Variants in BRWD1 observed in about 807,000 individuals in gnomAD.
The protein encoded by BRWD1 is bromodomain and WD repeat-containing protein 1.
In BRWD1, 82 loss-of-function variants were observed where a neutral mutation model predicts 251.2. The ratio of observed to expected loss-of-function variants is 0.33; its 90% CI spans 0.27 to 0.39. The LOEUF (loss-of-function observed/expected upper bound fraction) is 0.39, where lower values mean the gene tolerates loss of function less well. Among genes scored for constraint, BRWD1 ranks in the 10% least tolerant of loss-of-function variants. The probability of loss-of-function intolerance (pLI) is 1.00; values close to 1 mark genes in which losing one functional copy is unlikely to be tolerated. For missense variants in BRWD1, 2,233 were observed against 2,711.6 expected (o/e 0.82, Z 3.92); for synonymous variants, 918 against 902.8 (o/e 1.02, Z -0.30).
upstream of BRWD1, chr21:39,314,462 C>G: frequency 2.6e-6 from 1 of 386,046 alleles, no homozygotes; most frequent in Non-Finnish European, 5.2e-6. Context: ...GCAGACGGGC[C>G]GCAGACCCTC....
At chr21:39,312,499 A>C (rs910004568) in intron 4 of BRWD1, 7 of 213,082 alleles carry the variant, frequency 3.3e-5, no homozygotes, top group Non-Finnish European at 6.7e-5. Context: ...AGCGCGGTGG[A>C]GCGGGGAAGC....
At position 39,313,495 on chromosome 21, in the gene BRWD1, CGGGCGCG is replaced by C. The variant is rs917940554; in HGVS notation, c.-11_-5del. ...GGGCGGACGACGGCTCCGCCATGGC[CGGGCGCG>C]GGGCGGGAGGCGGGAGCGAGCGAGC... On this transcript the variant is annotated 5_prime_UTR_variant, in exon 1 of 41. Transcript: ENST00000342449. The C allele has an allele frequency of 4.7e-5, 53 of 1,122,406 alleles. No homozygotes were observed. The South Asian group carries it at 5.4e-4, about 11-fold the overall frequency. 69.5% of individuals were successfully genotyped at this position (1,122,406 alleles called of 1,614,324 possible).
At chr21:39,251,599 C>A (rs1339138494) in intron 19 of BRWD1, among the ~76,000 whole-genome samples, 1 of 152,060 alleles carries the variant, frequency 6.6e-6, no homozygotes, top group Non-Finnish European at 1.5e-5. Context: ...AGGATAAAAA[C>A]TGATTTTTAA....
At chr21:39,243,610 ATT>A (rs1019548671) in intron 21 of BRWD1, among the ~76,000 whole-genome samples, 1 of 150,064 alleles carries the variant, frequency 6.7e-6, no homozygotes, top group South Asian at 2.1e-4. Flanking sequence ...CACCCAGCTA[ATT>A]TTTTTTTTCT....
chr21:39,196,282 C>CT lies in BRWD1; in HGVS notation c.6786dup (p.Asp2263ArgfsTer17), dbSNP rs1306327472. The CT allele has an allele frequency of 6.2e-7, 1 of 1,604,706 alleles. No homozygotes were observed. Among genetic ancestry groups the CT allele is most frequent in the African/African-American group, 1.3e-5 (1 of 74,710 alleles). On this transcript the variant is annotated frameshift_variant, in exon 41 of 41. Coordinates refer to ENST00000342449, the MANE Select transcript of BRWD1 (RefSeq NM_033656.4). LOFTEE classifies it high-confidence loss of function. ...GGTCATAAGGTGCAACCATTGAAAT[C>CT]TAACACATTTTCTAAACTTCTGTCA...
At chr21:39,260,583 T>C (rs1171929065) in intron 17 of BRWD1, among the ~76,000 whole-genome samples, 1 of 152,216 alleles carries the variant, frequency 6.6e-6, no homozygotes, top group Non-Finnish European at 1.5e-5. Context: ...GCAGGAAGTG[T>C]CCTTCTGCCA....
At chr21:39,258,455 A>G (rs759063524) in intron 18 of BRWD1, 32 bp downstream of exon 18, 1 of 1,496,954 alleles carries the variant, frequency 6.7e-7, no homozygotes, top group Non-Finnish European at 9.0e-7. Flanking sequence ...ATGCAGCCAT[A>G]TTCAGGTAAA....
chr21:39,304,784 T>G (rs2036232693), intron 4 of BRWD1, among the ~76,000 whole-genome samples: 1 of 152,134 alleles, frequency 6.6e-6, no homozygotes, highest in Non-Finnish European at 1.5e-5. Context: ...TTGGTGTGGC[T>G]ATATTAATGT....
intron 29 of BRWD1, among the ~76,000 whole-genome samples, chr21:39,221,270 G>A (rs1322034941): frequency 6.6e-6 from 1 of 151,844 alleles, no homozygotes; most frequent in Non-Finnish European, 1.5e-5. Flanking sequence ...TCTATTTAGT[G>A]CCTAACTTGA....
intron 27 of BRWD1, among the ~76,000 whole-genome samples, chr21:39,227,360 A>G (rs1049858787): frequency 3.2e-5 from 1 of 31,280 alleles, no homozygotes; most frequent in Non-Finnish European, 5.9e-5. Context: ...CACTGAACAT[A>G]TATTTGTACA....
rs554916227 is a variant in BRWD1 at position 39,319,392 on chromosome 21, C to T, written n.534+1634G>A. 3.3e-5 allele frequency among the ~76,000 whole-genome samples: 5 copies of T among 152,314 alleles called. 1 individual carries two copies. The East Asian group carries it at 9.6e-4, about 29-fold the overall frequency. ...CCCATGTCTGTCTCCAAGTCTTACT[C>T]GTTCTTACTTTGAAACATTTCTCAC... On this transcript the variant is annotated intron_variant and non_coding_transcript_variant, in intron 1 of 4. Transcript: ENST00000470108.
At chr21:39,272,203 C>T (rs890894059) in intron 13 of BRWD1, among the ~76,000 whole-genome samples, 3 of 150,324 alleles carry the variant, frequency 2.0e-5, no homozygotes, top group African/African-American at 7.4e-5. Flanking sequence ...GGGAGGGCGA[C>T]GCGGGTGGAT....
At chr21:39,247,653 C>T in intron 21 of BRWD1, 48 bp downstream of exon 21, 3 of 1,539,386 alleles carry the variant, frequency 1.9e-6, no homozygotes, top group East Asian at 2.3e-5. Context: ...AGAATTAAGC[C>T]AAATTCATTT....
At chr21:39,313,365 CCG>C (rs2036584521) in intron 1 of BRWD1, 66 bp from the exon 2 acceptor site, 8 of 1,474,106 alleles carry the variant, frequency 5.4e-6, no homozygotes, top group South Asian at 2.5e-5. Context: ...GCCAGGGGAG[CCG>C]GGGGAGCCCG....
chr21:39,313,458 G>A lies in BRWD1; in HGVS notation c.34C>T (p.Pro12Ser), dbSNP rs2036589924. The A allele has an allele frequency of 1.5e-6, 2 of 1,350,706 alleles. No homozygotes were observed. Among genetic ancestry groups the A allele is most frequent in the South Asian group, 3.6e-5 (2 of 55,868 alleles). The allele number at this position is 1,350,706 out of a possible 1,614,324, so 83.7% of individuals were successfully genotyped here. A position where few individuals can be genotyped will look rare whatever the true frequency, so the allele number is the denominator to read the frequency against. ...CGCGTCTTACCCGACTCGATGAGAG[G>A]CACCGGGCGTCGGGCGGACGACGGC... The part of the protein sequence containing the change: ...AEPSSARRPV[P>S]LIESELYFLI... The change falls in exon 1 of 41, where the codon CCT (proline) becomes TCT (serine). Residue 12 changes from proline to serine, a missense_variant. By Grantham distance (74) the Pro-to-Ser change is moderately conservative. Transcript: ENST00000342449.
At chr21:39,258,709 A>G (rs1361626965) in intron 17 of BRWD1, 37 bp from the exon 18 acceptor site, 2 of 1,400,870 alleles carry the variant, frequency 1.4e-6, no homozygotes, top group Admixed American at 5.1e-5. Context: ...ATCATATAAA[A>G]GCAGAAAACA....
At chr21:39,215,543 C>T (rs976350048) in intron 31 of BRWD1, among the ~76,000 whole-genome samples, 181 bp from the exon 32 acceptor site, 3 of 152,056 alleles carry the variant, frequency 2.0e-5, no homozygotes, top group South Asian at 4.1e-4. Context: ...CATTGGACAC[C>T]GAAGCAATTA....
chr21:39,300,144 G>A lies in BRWD1; in HGVS notation c.199-1562C>T, dbSNP rs192846928. 1.1e-3 allele frequency among the ~76,000 whole-genome samples: 166 copies of A among 152,234 alleles called. 1 individual carries two copies. The highest frequency in any genetic ancestry group is 3.8e-3 in the African/African-American group (157 of 41,540). On this transcript the variant is annotated intron_variant, in intron 4 of 40. Transcript: ENST00000342449. ...GCATGACTGATTAGAATCCTAAGGC[G>A]CCTCAGTTACAGTGAGTCTGCACAC...
At chr21:39,223,465 CA>C in intron 29 of BRWD1, among the ~76,000 whole-genome samples, 1 of 152,142 alleles carries the variant, frequency 6.6e-6, no homozygotes, top group East Asian at 1.9e-4. Flanking sequence ...ACAATGGACA[CA>C]AGAGATATAG....
Sources: allele counts gnomAD v4.1 joint callset (sites outside exome capture counted in the v4.1 genomes callset), GRCh38; gene constraint gnomAD v4.1.1; transcripts MANE v1.5; gene names NCBI Gene and HGNC (gene_info 2026-07-23, HGNC 2026-07-21).